Variants in ASIC2 observed in about 807,000 individuals in gnomAD.
ASIC2 encodes acid-sensing ion channel 2.
In ASIC2, 25 loss-of-function variants were observed where a neutral mutation model predicts 57.3. The ratio of observed to expected loss-of-function variants is 0.44; its 90% CI spans 0.32 to 0.61. The LOEUF (loss-of-function observed/expected upper bound fraction) is 0.61, where lower values mean the gene tolerates loss of function less well. Ranked by LOEUF, ASIC2 falls within the 20% of genes least tolerant of loss-of-function variation. The pLI is 0.06. For synonymous variants in ASIC2, 319 were observed against 307.5 expected (o/e 1.04, Z -0.39); for missense variants, 641 against 738.1 (o/e 0.87, Z 1.52).
chr17:33,286,352 G>C (rs1031910051), intron 1 of ASIC2, among the ~76,000 whole-genome samples: 19 of 152,154 alleles, frequency 1.2e-4, no homozygotes, highest in African/African-American at 4.6e-4. Flanking sequence ...GGAACAGGGT[G>C]GCAGCTGGGG....
At chr17:33,332,341 T>A (rs1331166441) in intron 1 of ASIC2, among the ~76,000 whole-genome samples, 1 of 152,230 alleles carries the variant, frequency 6.6e-6, no homozygotes, top group Non-Finnish European at 1.5e-5. Flanking sequence ...AAAACATGTT[T>A]TATCTAACCC....
chr17:34,095,537 A>C (rs1367521861), intron 1 of ASIC2, among the ~76,000 whole-genome samples: 2 of 150,192 alleles, frequency 1.3e-5, no homozygotes, highest in Non-Finnish European at 3.0e-5. Context: ...ATGATGCTTT[A>C]TTTTAATCAT....
chr17:33,420,112 A>G (rs888346376), intron 1 of ASIC2, among the ~76,000 whole-genome samples: 1 of 152,196 alleles, frequency 6.6e-6, no homozygotes, highest in African/African-American at 2.4e-5. Context: ...TATATTTCCA[A>G]CAAAAGTAGT....
chr17:33,340,410 T>C (rs2142236157), intron 1 of ASIC2, among the ~76,000 whole-genome samples: 1 of 152,310 alleles, frequency 6.6e-6, no homozygotes, highest in Admixed American at 6.5e-5. Flanking sequence ...ACTACAAATC[T>C]ACCATAAATG....
intron 1 of ASIC2, among the ~76,000 whole-genome samples, chr17:33,255,480 AAC>A (rs1278178563): frequency 6.6e-6 from 1 of 152,062 alleles, no homozygotes; most frequent in Admixed American, 6.6e-5. Flanking sequence ...TCTGATTAAA[AAC>A]ACACAAACAG....
At chr17:33,684,265 G>A (rs1022567127) in intron 1 of ASIC2, among the ~76,000 whole-genome samples, 13 of 152,240 alleles carry the variant, frequency 8.5e-5, no homozygotes, top group South Asian at 2.1e-4. Flanking sequence ...AGCTGCTGAA[G>A]TGGTGGCTAC....
chr17:33,629,060 T>C (rs1906078496), intron 1 of ASIC2, among the ~76,000 whole-genome samples: 1 of 152,158 alleles, frequency 6.6e-6, no homozygotes, highest in Non-Finnish European at 1.5e-5. Context: ...ATCCAGACCC[T>C]CTGGATTAGG....
At chr17:33,507,831 G>C (rs1002094989) in intron 1 of ASIC2, among the ~76,000 whole-genome samples, 10 of 152,306 alleles carry the variant, frequency 6.6e-5, no homozygotes, top group African/African-American at 2.4e-4. Context: ...CTTGAACCCA[G>C]CAGGCAGAGG....
At chr17:33,384,908 G>A (rs1261667309) in intron 1 of ASIC2, among the ~76,000 whole-genome samples, 1 of 152,152 alleles carries the variant, frequency 6.6e-6, no homozygotes, top group Non-Finnish European at 1.5e-5. Context: ...AGAAGGCAGG[G>A]CCATCTCTTC....
At chr17:33,620,751 C>T (rs934516633) in intron 1 of ASIC2, among the ~76,000 whole-genome samples, 1 of 152,136 alleles carries the variant, frequency 6.6e-6, no homozygotes, top group African/African-American at 2.4e-5. Context: ...TGAATGGAGT[C>T]AGACTGTAAT....
intron 1 of ASIC2, among the ~76,000 whole-genome samples, chr17:33,719,149 A>T (rs1909309185): frequency 6.6e-6 from 1 of 152,150 alleles, no homozygotes; most frequent in Admixed American, 6.5e-5. Context: ...CAGAGAGGAA[A>T]TCAGACCCTT....
At chr17:34,007,887 C>A (rs1385868800) in intron 1 of ASIC2, among the ~76,000 whole-genome samples, 1 of 152,158 alleles carries the variant, frequency 6.6e-6, no homozygotes, top group African/African-American at 2.4e-5. Context: ...ACTAAATACC[C>A]CCAATGAAAA....
At chr17:33,606,219 AAG>A (rs1474343415) in intron 1 of ASIC2, among the ~76,000 whole-genome samples, 4 of 152,184 alleles carry the variant, frequency 2.6e-5, no homozygotes, top group African/African-American at 9.7e-5. Context: ...AGGAGAATAA[AAG>A]ACGATTCTCG....
chr17:33,476,504 CATATATATAT>C (rs67811038), intron 1 of ASIC2, among the ~76,000 whole-genome samples: 25,857 of 122,554 alleles, frequency 0.21, 2,595 homozygotes, highest in Middle Eastern at 0.27. Context: ...TGTGTGTGTG[CATATATATAT>C]ATATATATAT....
At chr17:33,928,621 G>A (rs1035732360) in intron 1 of ASIC2, among the ~76,000 whole-genome samples, 2 of 152,168 alleles carry the variant, frequency 1.3e-5, no homozygotes, top group Non-Finnish European at 2.9e-5. Flanking sequence ...TGGAAATGTA[G>A]TGTCAGGGCT....
intron 1 of ASIC2, among the ~76,000 whole-genome samples, chr17:33,604,265 T>C (rs1264010576): frequency 6.6e-6 from 1 of 152,186 alleles, no homozygotes; most frequent in Non-Finnish European, 1.5e-5. Flanking sequence ...TGGTTGTTTG[T>C]ATTCTGAGGC....
intron 1 of ASIC2, among the ~76,000 whole-genome samples, chr17:33,522,277 A>C (rs1914765990): frequency 6.6e-6 from 1 of 152,216 alleles, no homozygotes; most frequent in Non-Finnish European, 1.5e-5. Flanking sequence ...ATTGAATCTT[A>C]AAGGGTCAAT....
intron 1 of ASIC2, among the ~76,000 whole-genome samples, chr17:33,542,447 G>A (rs1440699895): frequency 2.4e-5 from 3 of 125,330 alleles, no homozygotes; most frequent in Non-Finnish European, 3.3e-5. Context: ...TCTAACTGGT[G>A]TGAGATGGTA....
intron 1 of ASIC2, among the ~76,000 whole-genome samples, chr17:33,210,306 C>T (rs75960355): frequency 0.017 from 2,604 of 152,244 alleles, 75 homozygotes; most frequent in East Asian, 0.12. Context: ...AAATATGAGC[C>T]GCCTCTGAGC....
Sources: allele counts gnomAD v4.1 joint callset (sites outside exome capture counted in the v4.1 genomes callset), GRCh38; gene constraint gnomAD v4.1.1; transcripts MANE v1.5; gene names NCBI Gene and HGNC (gene_info 2026-07-23, HGNC 2026-07-21).